Variants in PTN observed in about 807,000 individuals in gnomAD.
The protein encoded by PTN is heparin affin regulatory protein.
PTN carries 18 observed loss-of-function variants against 24.1 expected under a neutral mutation model. The observed-to-expected ratio is 0.75, with a 90% confidence interval of 0.52 to 1.11. PTN has a LOEUF of 1.11. PTN is among the 50% of genes least tolerant of loss of function. The pLI is 0.00. For missense variants in PTN, 163 were observed against 198.8 expected (o/e 0.82, Z 1.08); for synonymous variants, 78 against 68.6 (o/e 1.14, Z -0.67).
intron 1 of PTN, among the ~76,000 whole-genome samples, chr7:137,280,721 A>AAAAAAAAAAAAAAAAAAC: frequency 1.5e-5 from 2 of 135,822 alleles, no homozygotes; most frequent in Non-Finnish European, 3.2e-5. Context: ...AAAAAAAAAA[A>AAAAAAAAAAAAAAAAAAC]AAAAGCTGAG....
In PTN at chr7:137,343,619, T is replaced by C. The variant is rs1562977269; in HGVS notation, c.-182A>G. The C allele has an allele frequency of 1.9e-6, 1 of 518,968 alleles. No individual in the cohort carries two copies. The allele number at this position is 518,968 out of a possible 1,614,324, so 32.1% of individuals were successfully genotyped here. On this transcript the variant is annotated 5_prime_UTR_variant, in exon 1 of 5. Coordinates refer to ENST00000348225, the MANE Select transcript of PTN (RefSeq NM_002825.7). ...CTTCCCCTCTCTCCACTTTGGATTT[T>C]CCTCTGCTCTGGGGCTCTCTTGGCG...
chr7:137,340,449 G>A (rs536914572), intron 1 of PTN, among the ~76,000 whole-genome samples: 41 of 152,132 alleles, frequency 2.7e-4, no homozygotes, highest in Non-Finnish European at 4.7e-4. Context: ...AAATAGCCCA[G>A]TGGGTGGAAA....
intron 1 of PTN, among the ~76,000 whole-genome samples, chr7:137,300,463 C>T (rs1346444355): frequency 2.0e-5 from 3 of 151,898 alleles, no homozygotes; most frequent in Non-Finnish European, 4.4e-5. Flanking sequence ...AAGAAACTGA[C>T]AAACAAGCTG....
chr7:137,335,026 C>A (rs1489879558), intron 1 of PTN, among the ~76,000 whole-genome samples: 2 of 120,014 alleles, frequency 1.7e-5, no homozygotes, highest in African/African-American at 6.8e-5. Context: ...GGGAACATCA[C>A]ACTCTGGGGA....
At chr7:137,316,586 C>A (rs765905587) in intron 1 of PTN, among the ~76,000 whole-genome samples, 53 of 152,232 alleles carry the variant, frequency 3.5e-4, no homozygotes, top group Middle Eastern at 6.8e-3. Flanking sequence ...CAGGAGGGGG[C>A]AGATTTTGAA....
intron 1 of PTN, among the ~76,000 whole-genome samples, chr7:137,283,943 G>C (rs1809512365): frequency 8.0e-6 from 1 of 124,236 alleles, no homozygotes; most frequent in South Asian, 2.7e-4. Context: ...ATGTGAAAAT[G>C]AGCATCAGAT....
intron 4 of PTN, among the ~76,000 whole-genome samples, chr7:137,247,534 T>C (rs13244002): frequency 0.16 from 24,728 of 151,768 alleles, 2,510 homozygotes; most frequent in African/African-American, 0.28. Context: ...TGATGGGTGG[T>C]TGGGATGGTT....
chr7:137,297,182 T>C (rs1371413104), intron 1 of PTN, among the ~76,000 whole-genome samples: 4 of 152,140 alleles, frequency 2.6e-5, no homozygotes, highest in African/African-American at 4.8e-5. Flanking sequence ...AAATAGTACA[T>C]GATCATTTTT....
intron 1 of PTN, among the ~76,000 whole-genome samples, chr7:137,340,829 T>C (rs1810522032): frequency 6.6e-6 from 1 of 152,218 alleles, no homozygotes; most frequent in Non-Finnish European, 1.5e-5. Flanking sequence ...CACTCAGGTG[T>C]GGAGGATGTT....
chr7:137,251,236 G>C lies in PTN; in HGVS notation c.445C>G (p.Pro149Ala). 6.2e-7 allele frequency: 1 copy of C among 1,614,058 alleles called. No individual in the cohort carries two copies. The highest frequency in any genetic ancestry group is 1.1e-5 in the South Asian group (1 of 91,076). Residue 149 changes from proline to alanine, a missense_variant, in exon 4 of 5, where the codon CCT becomes GCT. Coordinates refer to ENST00000348225, the MANE Select transcript of PTN (RefSeq NM_002825.7). ...KPCGKLTKPKPQAESKKKKKE... is the reference protein window; with the variant it reads ...KPCGKLTKPKAQAESKKKKKE... ...TATAATGGCAAGGACTTACCTTGAGGTTTGGGCTTGGTCAGTTTGCCACAG... is the reference window on the plus strand; with the variant it reads ...TATAATGGCAAGGACTTACCTTGAGCTTTGGGCTTGGTCAGTTTGCCACAG...
chr7:137,235,941 C>T (rs549877866), intron 4 of PTN, among the ~76,000 whole-genome samples: 3 of 152,186 alleles, frequency 2.0e-5, no homozygotes, highest in African/African-American at 7.2e-5. Context: ...TTTCAGGAAC[C>T]TGTTTTGTCC....
At chr7:137,235,892 A>G (rs1328311498) in intron 4 of PTN, among the ~76,000 whole-genome samples, 1 of 152,116 alleles carries the variant, frequency 6.6e-6, no homozygotes, top group African/African-American at 2.4e-5. Context: ...GATAGTACAT[A>G]TATTTGTGTC....
chr7:137,311,449 C>T (rs1475972065), intron 1 of PTN, among the ~76,000 whole-genome samples: 16 of 152,246 alleles, frequency 1.1e-4, no homozygotes, highest in African/African-American at 3.6e-4. Context: ...CACAATTTGG[C>T]TGTTTGGCAT....
intron 1 of PTN, chr7:137,318,742 T>G (rs960619829): frequency 1.4e-5 from 2 of 146,256 alleles, no homozygotes; most frequent in African/African-American, 5.6e-5. Context: ...ACAACCTAAG[T>G]TCAAATCTAG....
chr7:137,307,791 C>T (rs776725199), intron 1 of PTN, among the ~76,000 whole-genome samples: 7 of 152,012 alleles, frequency 4.6e-5, no homozygotes, highest in African/African-American at 7.2e-5. Context: ...GAAAGGCAGA[C>T]GAAGTAATTT....
chr7:137,262,539 C>T (rs989601813), intron 1 of PTN, among the ~76,000 whole-genome samples: 1 of 151,704 alleles, frequency 6.6e-6, no homozygotes, highest in Admixed American at 6.6e-5. Flanking sequence ...CAGACAAAAC[C>T]CCTCAGACAC....
chr7:137,263,154 A>G lies in PTN; in HGVS notation c.-1-8180T>C, dbSNP rs192965599. On this transcript the variant is annotated intron_variant, in intron 1 of 4. Transcript: ENST00000348225. Reference sequence around the variant, plus strand: ...CAAGGTAGTGATGAAGCTTTTTATCATTTGAAGAAGTACAGGTAGCAAACA... The same window carrying G: ...CAAGGTAGTGATGAAGCTTTTTATCGTTTGAAGAAGTACAGGTAGCAAACA... Among the ~76,000 whole-genome samples, 104 of 152,300 alleles carry G rather than the reference A, an allele frequency of 6.8e-4. 1 individual carries two copies. The highest frequency in any genetic ancestry group is 2.3e-3 in the African/African-American group (94 of 41,560).
rs869311084 is a variant in PTN, at chr7:137,269,624, A to ATTTTT, written c.-1-14655_-1-14651dup. 3.7e-3 allele frequency among the ~76,000 whole-genome samples: 232 copies of ATTTTT among 63,008 alleles called. 51 individuals carry two copies. Among genetic ancestry groups the ATTTTT allele is most frequent in the African/African-American group, 0.017 (227 of 13,422 alleles). The allele number at this position is 63,008 out of a possible 152,430, so 41.3% of individuals were successfully genotyped here. A position where few individuals can be genotyped will look rare whatever the true frequency, so the allele number is the denominator to read the frequency against. The stretch of plus-strand genomic sequence containing the variant: ...TGCTATCTGTCAAGCTGCTTCATCT[A>ATTTTT]TTTTTTTTTTTTTTTTTTTTTTTTT... On this transcript the variant is annotated intron_variant, in intron 1 of 4. Transcript: ENST00000348225.
intron 1 of PTN, among the ~76,000 whole-genome samples, chr7:137,305,904 T>C (rs1227916160): frequency 1.3e-5 from 2 of 152,080 alleles, no homozygotes; most frequent in African/African-American, 4.8e-5. Flanking sequence ...ATTCTATCCA[T>C]TGTCACTATA....
Sources: allele counts gnomAD v4.1 joint callset (sites outside exome capture counted in the v4.1 genomes callset), GRCh38; gene constraint gnomAD v4.1.1; transcripts MANE v1.5; gene names NCBI Gene and HGNC (gene_info 2026-07-23, HGNC 2026-07-21).